WARS2: variants seen among roughly 807,000 people sequenced by gnomAD.
The protein encoded by WARS2 is tryptophanyl tRNA synthetase 2, mitochondrial.
In WARS2, 28 loss-of-function variants were observed where a neutral mutation model predicts 36.5. The observed-to-expected ratio is 0.77, with a 90% CI of 0.57 to 1.05. The LOEUF is 1.05. Among genes scored for constraint, WARS2 ranks in the 50% least tolerant of loss-of-function variants. The pLI is 0.00. For synonymous variants in WARS2, 174 were observed against 178.4 expected (o/e 0.98, Z 0.20); for missense variants, 435 against 456.8 (o/e 0.95, Z 0.44).
chr1:119,045,982 G>C (rs1002567766), intron 2 of WARS2, among the ~76,000 whole-genome samples: 1 of 151,894 alleles, frequency 6.6e-6, no homozygotes, highest in African/African-American at 2.4e-5. Context: ...AAAAAGCCAA[G>C]CTTATTAAGA....
At chr1:119,036,244 T>C (rs1307967580) in intron 4 of WARS2, among the ~76,000 whole-genome samples, 2 of 149,108 alleles carry the variant, frequency 1.3e-5, no homozygotes, top group Admixed American at 6.9e-5. Context: ...AATAAGTTAA[T>C]GTGGGAAATT....
chr1:119,035,030 T>C (rs1342897908), intron 4 of WARS2, among the ~76,000 whole-genome samples: 1 of 152,210 alleles, frequency 6.6e-6, no homozygotes, highest in Non-Finnish European at 1.5e-5. Context: ...TTATCTGTAA[T>C]ATTTCATATT....
chr1:119,084,879 G>A, intron 1 of WARS2: 1 of 290,690 alleles, frequency 3.4e-6, no homozygotes, highest in Non-Finnish European at 6.6e-6. Context: ...TAATACTCAA[G>A]GAGTTAAAAG....
At chr1:119,042,129 T>A in intron 4 of WARS2, 135 bp downstream of exon 4, 1 of 639,766 alleles carries the variant, frequency 1.6e-6, no homozygotes, top group Non-Finnish European at 2.7e-6. Context: ...TTCTGGGGAA[T>A]AGATATAAAC....
At chr1:119,041,542 A>C (rs754878672) in intron 4 of WARS2, among the ~76,000 whole-genome samples, 8 of 152,184 alleles carry the variant, frequency 5.3e-5, no homozygotes, top group Non-Finnish European at 8.8e-5. Context: ...CTGTAGGTCT[A>C]ATACAGTGGT....
At chr1:119,085,977 T>A (rs1186564674) in intron 1 of WARS2, 3 of 1,608,252 alleles carry the variant, frequency 1.9e-6, no homozygotes, top group East Asian at 2.2e-5. Context: ...AAACTCAGCG[T>A]TCAGGTATCA....
At chr1:119,095,365 T>C (rs1653357705) in intron 1 of WARS2, among the ~76,000 whole-genome samples, 1 of 152,228 alleles carries the variant, frequency 6.6e-6, no homozygotes, top group Non-Finnish European at 1.5e-5. Flanking sequence ...CCCATTGGTT[T>C]ATAGTAACAT....
chr1:119,112,301 G>A (rs978477723), intron 1 of WARS2, among the ~76,000 whole-genome samples: 13 of 152,154 alleles, frequency 8.5e-5, no homozygotes, highest in African/African-American at 3.1e-4. Context: ...AACTTTATTA[G>A]AAAAGTTTAC....
At chr1:119,050,010 G>A (rs559247952) in intron 2 of WARS2, among the ~76,000 whole-genome samples, 1 of 152,240 alleles carries the variant, frequency 6.6e-6, no homozygotes, top group South Asian at 2.1e-4. Flanking sequence ...AATCTTTCAT[G>A]TACTTTTCAT....
In WARS2 at chr1:119,100,459, G is replaced by C. The variant is rs587720942; in HGVS notation, c.91-23852C>G. 2.6e-5 allele frequency among the ~76,000 whole-genome samples: 4 copies of C among 152,220 alleles called. No individual in the cohort carries two copies. The South Asian group carries it at 8.3e-4, about 32-fold the overall frequency. Reference sequence around the variant, plus strand: ...TAGTGGGTATCTGCCCAAAGAAAAAGAAATCAATATATCAAAGGGATATCT... The same window carrying C: ...TAGTGGGTATCTGCCCAAAGAAAAACAAATCAATATATCAAAGGGATATCT... On this transcript the variant is annotated intron_variant, in intron 1 of 5. Transcript: ENST00000235521.
chr1:119,127,722 C>A (rs961129820), intron 1 of WARS2, among the ~76,000 whole-genome samples: 7 of 152,174 alleles, frequency 4.6e-5, no homozygotes, highest in Non-Finnish European at 1.0e-4. Context: ...CTACCTCTAC[C>A]TTTCTCTCAC....
chr1:119,056,518 A>T (rs1649826306), intron 2 of WARS2, among the ~76,000 whole-genome samples: 1 of 143,212 alleles, frequency 7.0e-6, no homozygotes, highest in Admixed American at 7.0e-5. Context: ...GTAGACTTAG[A>T]CTATAGACTA....
intron 1 of WARS2, among the ~76,000 whole-genome samples, chr1:119,094,549 C>A (rs1653281256): frequency 6.6e-6 from 1 of 151,458 alleles, no homozygotes; most frequent in African/African-American, 2.4e-5. Flanking sequence ...ATAAAAACTT[C>A]TAAAAAATAA....
In WARS2 at chr1:119,033,300, G is replaced by T. The variant is rs750645277; in HGVS notation, c.694C>A (p.Pro232Thr). The T allele has an allele frequency of 1.9e-6, 3 of 1,614,024 alleles. No homozygotes were observed. Among genetic ancestry groups the T allele is most frequent in the African/African-American group, 2.7e-5 (2 of 74,904 alleles). ...ATTCGGACGGTGGCCAGTTTGTCAG[G>T]GTCTGATTTCGACATTTTGGCAGAA... is the stretch of plus-strand genomic sequence containing the variant. ...DPSAKMSKSD[P>T]DKLATVRITD... The change falls in exon 6 of 6, where the codon CCT becomes ACT. Residue 232 changes from proline (P) to threonine (T), a missense_variant. By Grantham distance (38) the Pro-to-Thr change is conservative. Transcript: ENST00000235521.
intron 1 of WARS2, among the ~76,000 whole-genome samples, chr1:119,102,803 C>T (rs1041159789): frequency 6.6e-6 from 1 of 152,286 alleles, no homozygotes; most frequent in East Asian, 1.9e-4. Flanking sequence ...AAAATGATTC[C>T]TAATCCTTTA....
intron 1 of WARS2, among the ~76,000 whole-genome samples, chr1:119,101,115 A>C (rs1653826879): frequency 1.3e-5 from 2 of 152,174 alleles, no homozygotes; most frequent in African/African-American, 4.8e-5. Context: ...AAAAACATAC[A>C]GTTCGATAAA....
intron 2 of WARS2, among the ~76,000 whole-genome samples, chr1:119,047,792 T>A (rs556306009): frequency 5.3e-5 from 8 of 152,314 alleles, no homozygotes; most frequent in African/African-American, 1.9e-4. Context: ...ACTAGCTGTA[T>A]AACCCGATTA....
intron 2 of WARS2, among the ~76,000 whole-genome samples, chr1:119,053,313 T>G (rs12727967): frequency 0.16 from 24,415 of 152,160 alleles, 2,192 homozygotes; most frequent in East Asian, 0.25. Flanking sequence ...GCAGTGGCGA[T>G]AGAGACTACG....
chr1:119,129,310 G>A (rs1360515238), intron 1 of WARS2, among the ~76,000 whole-genome samples: 1 of 152,174 alleles, frequency 6.6e-6, no homozygotes, highest in African/African-American at 2.4e-5. Context: ...CTCCAGAACT[G>A]TGACAAATAA....
Sources: allele counts gnomAD v4.1 joint callset (sites outside exome capture counted in the v4.1 genomes callset), GRCh38; gene constraint gnomAD v4.1.1; transcripts MANE v1.5; gene names NCBI Gene and HGNC (gene_info 2026-07-23, HGNC 2026-07-21).